MYO1D: variants seen among roughly 807,000 people sequenced by gnomAD.
MYO1D encodes the protein myosin ID, also known as unconventional myosin-Id.
MYO1D carries 83 observed loss-of-function variants against 122.0 expected under a neutral mutation model. The observed-to-expected ratio is 0.68, with a 90% CI of 0.57 to 0.82. The LOEUF (loss-of-function observed/expected upper bound fraction) is 0.82, where lower values mean the gene tolerates loss of function less well. Among genes scored for constraint, MYO1D ranks in the 40% least tolerant of loss-of-function variants. MYO1D has a pLI of 0.00. For synonymous variants in MYO1D, 464 were observed against 446.9 expected (o/e 1.04, Z -0.48); for missense variants, 1,157 against 1,269.5 (o/e 0.91, Z 1.35).
chr17:32,820,042 C>T (rs1012931359), intron 1 of MYO1D, among the ~76,000 whole-genome samples: 16 of 152,064 alleles, frequency 1.1e-4, no homozygotes, highest in Admixed American at 7.2e-4. Context: ...GAGGGAGAGA[C>T]GGGAGACAGG....
chr17:32,661,910 T>C (rs890051400), intron 16 of MYO1D, among the ~76,000 whole-genome samples: 5 of 152,252 alleles, frequency 3.3e-5, no homozygotes, highest in African/African-American at 1.2e-4. Context: ...ATTTGGTTCA[T>C]TGCTGTGCTA....
rs201688080 is a variant in MYO1D, at chr17:32,760,614, C to T, written c.1049G>A (p.Arg350His). The stretch of plus-strand genomic sequence containing the variant: ...GCGAGTAACGATCCAACAAAAAAGG[C>T]GCTCATATATTGCCTGCAAGGAAAA... The part of the protein sequence containing the change: ...RDAFAKAIYE[R>H]LFCWIVTRIN... The change falls in exon 9 of 22, where the codon CGC (arginine) becomes CAC (histidine). Residue 350 changes from arginine (R) to histidine (H), a missense_variant. Physicochemically the swap from Arg to His is conservative, Grantham distance 29 (BLOSUM62 0). Coordinates refer to ENST00000318217, the MANE Select transcript of MYO1D (RefSeq NM_015194.3). The T allele has an allele frequency of 7.5e-6, 12 of 1,608,292 alleles. No individual in the cohort carries two copies. The highest frequency in any genetic ancestry group is 3.4e-5 in the Admixed American group (2 of 58,774).
At chr17:32,548,180 G>A (rs1005116929) in intron 21 of MYO1D, among the ~76,000 whole-genome samples, 5 of 152,016 alleles carry the variant, frequency 3.3e-5, no homozygotes, top group Non-Finnish European at 7.4e-5. Flanking sequence ...CACTTTGGGT[G>A]GCTGAGGTGG....
intron 16 of MYO1D, among the ~76,000 whole-genome samples, chr17:32,693,433 A>G (rs1039902281): frequency 3.3e-5 from 5 of 152,032 alleles, no homozygotes; most frequent in Non-Finnish European, 7.4e-5. Context: ...AAGCTGTTTT[A>G]CTAAACATAG....
At chr17:32,844,314 G>A (rs1709573643) in intron 1 of MYO1D, among the ~76,000 whole-genome samples, 2 of 144,742 alleles carry the variant, frequency 1.4e-5, no homozygotes, top group African/African-American at 5.1e-5. Context: ...ATATGCATAT[G>A]TATATATTAT....
At chr17:32,845,624 T>G (rs939059323) in intron 1 of MYO1D, among the ~76,000 whole-genome samples, 8 of 152,158 alleles carry the variant, frequency 5.3e-5, no homozygotes, top group Admixed American at 2.6e-4. Flanking sequence ...AGCGTTGTCC[T>G]GCATAGTTCA....
At chr17:32,874,308 C>CTCTCTCTCTGTGTCTCTG (rs1450779141) in intron 1 of MYO1D, among the ~76,000 whole-genome samples, 3 of 151,770 alleles carry the variant, frequency 2.0e-5, no homozygotes, top group African/African-American at 4.8e-5. Context: ...CTGTCTCTCT[C>CTCTCTCTCTGTGTCTCTG]TCTCTCTTTG....
intron 14 of MYO1D, among the ~76,000 whole-genome samples, chr17:32,724,503 T>G (rs2089549346): frequency 6.6e-6 from 1 of 152,132 alleles, no homozygotes; most frequent in South Asian, 2.1e-4. Flanking sequence ...ATTTACTGGG[T>G]CAGAATCCAG....
chr17:32,838,134 T>C (rs1598144328), intron 1 of MYO1D, among the ~76,000 whole-genome samples: 1 of 152,176 alleles, frequency 6.6e-6, no homozygotes, highest in East Asian at 1.9e-4. Context: ...TATTTCCCTA[T>C]AAATATTCAT....
chr17:32,533,150 T>C (rs1176745102), intron 21 of MYO1D, among the ~76,000 whole-genome samples: 4 of 152,230 alleles, frequency 2.6e-5, no homozygotes, highest in East Asian at 3.8e-4. Flanking sequence ...AAAATGAAAC[T>C]TTATTTTGTA....
chr17:32,869,987 GTAGCAACTTCTAAGTGCTTGATTCCAC>G (rs2091165078), intron 1 of MYO1D, among the ~76,000 whole-genome samples: 1 of 152,058 alleles, frequency 6.6e-6, no homozygotes, highest in Non-Finnish European at 1.5e-5. Flanking sequence ...AAATGAACCA[GTAGCAACTTCTAAGTGCTTGATTCCAC>G]CCACATCTGG....
intron 1 of MYO1D, among the ~76,000 whole-genome samples, chr17:32,857,562 A>C (rs1380740407): frequency 2.0e-5 from 3 of 148,156 alleles, no homozygotes; most frequent in Non-Finnish European, 3.0e-5. Flanking sequence ...TCCAGCCTGG[A>C]CGACAGAGCA....
chr17:32,847,610 G>T (rs984328540), intron 1 of MYO1D, among the ~76,000 whole-genome samples: 1 of 152,204 alleles, frequency 6.6e-6, no homozygotes, highest in Admixed American at 6.5e-5. Context: ...CACCTCTGGG[G>T]TTCAAGCAAT....
At position 32,723,437 on chromosome 17, in the gene MYO1D, C is replaced by A. The variant is rs137919287; in HGVS notation, c.1747-2248G>T. ...TTGCTATGCAGAGGCCACTATTCTG[C>A]CTAGTACACCTGCCCTTTTTCATCT... On this transcript the variant is annotated intron_variant, in intron 14 of 21. Transcript: ENST00000318217. 1.3e-3 allele frequency among the ~76,000 whole-genome samples: 194 copies of A among 152,236 alleles called. 1 individual carries two copies. The highest frequency in any genetic ancestry group is 2.4e-3 in the Non-Finnish European group (165 of 67,996).
intron 1 of MYO1D, among the ~76,000 whole-genome samples, chr17:32,854,610 G>T (rs984476703): frequency 1.3e-5 from 2 of 152,202 alleles, no homozygotes; most frequent in Non-Finnish European, 2.9e-5. Context: ...GCTAACATCA[G>T]AATTAGTTTG....
chr17:32,630,384 T>C (rs1461772447), intron 20 of MYO1D, among the ~76,000 whole-genome samples: 1 of 152,206 alleles, frequency 6.6e-6, no homozygotes, highest in Non-Finnish European at 1.5e-5. Flanking sequence ...TATGTGATGA[T>C]TGCACAACTG....
At chr17:32,818,933 A>G (rs1345164803) in intron 1 of MYO1D, among the ~76,000 whole-genome samples, 2 of 152,208 alleles carry the variant, frequency 1.3e-5, no homozygotes, top group Admixed American at 6.5e-5. Flanking sequence ...TAGAAATAAA[A>G]GAGAATTCTA....
intron 1 of MYO1D, among the ~76,000 whole-genome samples, chr17:32,786,241 A>G (rs2090292570): frequency 6.6e-6 from 1 of 152,192 alleles, no homozygotes; most frequent in Admixed American, 6.5e-5. Context: ...TAAATGAAGA[A>G]GTAACTAGAA....
chr17:32,719,077 C>T (rs2089479288), intron 15 of MYO1D, among the ~76,000 whole-genome samples: 1 of 152,208 alleles, frequency 6.6e-6, no homozygotes, highest in Non-Finnish European at 1.5e-5. Context: ...GTTCCACATC[C>T]TGTTCCTCAA....
Sources: gnomAD v4.1 joint callset for allele counts (sites outside exome capture counted in the v4.1 genomes callset) on GRCh38, gnomAD v4.1.1 for gene constraint, MANE v1.5 for transcripts, NCBI Gene and HGNC (gene_info 2026-07-23, HGNC 2026-07-21) for gene names.